Variants in CCDC50 observed in about 807,000 individuals in gnomAD.
The protein encoded by CCDC50 is coiled-coil domain containing 50, also known as coiled-coil domain-containing protein 50.
In CCDC50, 54 loss-of-function variants were observed where a neutral mutation model predicts 70.2. That is an observed-to-expected ratio of 0.77 (90% confidence interval 0.62 to 0.96). The LOEUF is 0.96. Among genes scored for constraint, CCDC50 ranks in the 50% least tolerant of loss-of-function variants. The pLI is 0.00. For synonymous variants in CCDC50, 216 were observed against 198.8 expected (o/e 1.09, Z -0.73); for missense variants, 558 against 578.7 (o/e 0.96, Z 0.37).
chr3:191,344,121 C>T (rs1711826627), intron 1 of CCDC50, among the ~76,000 whole-genome samples: 1 of 152,170 alleles, frequency 6.6e-6, no homozygotes, highest in Non-Finnish European at 1.5e-5. Context: ...AATGGCAAAG[C>T]GAATTATGCA....
At position 191,394,251 on chromosome 3, in the gene CCDC50, GCAAA is replaced by G. The variant is rs1713791318; in HGVS notation, c.*2494_*2497del. The G allele has an allele frequency of 6.6e-6, 1 of 152,090 alleles. No individual in the cohort carries two copies. The highest frequency in any genetic ancestry group is 1.9e-4 in the East Asian group (1 of 5,186). The allele number at this position is 152,090 out of a possible 1,614,324, so 9.4% of individuals were successfully genotyped here. On this transcript the variant is annotated 3_prime_UTR_variant, in exon 12 of 12. Transcript: ENST00000392455. Reference sequence around the variant, plus strand: ...TATGTTTATTTTATTTTTGTGTAAAGCAAACACTTTTAAAATAATATCAGAGTAA... The same window carrying G: ...TATGTTTATTTTATTTTTGTGTAAAGCACTTTTAAAATAATATCAGAGTAA...
intron 1 of CCDC50, among the ~76,000 whole-genome samples, chr3:191,334,484 A>G (rs1718080226): frequency 6.6e-6 from 1 of 152,142 alleles, no homozygotes; most frequent in African/African-American, 2.4e-5. Context: ...AGAAAGCACT[A>G]AAAACCACTG....
intron 1 of CCDC50, among the ~76,000 whole-genome samples, chr3:191,339,866 G>T (rs545830392): frequency 1.4e-4 from 21 of 152,174 alleles, no homozygotes; most frequent in Non-Finnish European, 2.5e-4. Flanking sequence ...AGGTTAAAAT[G>T]TACTTGTGGT....
chr3:191,344,322 C>T (rs903987938), intron 1 of CCDC50, among the ~76,000 whole-genome samples: 4 of 152,198 alleles, frequency 2.6e-5, no homozygotes, highest in Non-Finnish European at 2.9e-5. Flanking sequence ...ATGATGCAAA[C>T]GTTCTGTATT....
rs1206194058 is a variant in CCDC50 at position 191,395,119 on chromosome 3, CA to C, written c.*3363del. ...CACTTGGATCTAGGTCAACATATTC[CA>C]AAATGTGTGACCTTGGGCTTTGTGT... is the stretch of plus-strand genomic sequence containing the variant. On this transcript the variant is annotated 3_prime_UTR_variant, in exon 12 of 12. Coordinates refer to ENST00000392455, the MANE Select transcript of CCDC50 (RefSeq NM_178335.3). The C allele has an allele frequency of 6.6e-6, 1 of 150,876 alleles. No homozygotes were observed. The highest frequency in any genetic ancestry group is 2.4e-5 in the African/African-American group (1 of 40,862). 9.3% of individuals were successfully genotyped at this position (150,876 alleles called of 1,614,324 possible). A position where few individuals can be genotyped will look rare whatever the true frequency, so the allele number is the denominator to read the frequency against.
chr3:191,388,874 C>A (rs1713587806), intron 10 of CCDC50, among the ~76,000 whole-genome samples: 2 of 150,224 alleles, frequency 1.3e-5, no homozygotes, highest in Non-Finnish European at 1.5e-5. Context: ...TTGCATAAAT[C>A]TATGTTAAGT....
intron 4 of CCDC50, among the ~76,000 whole-genome samples, chr3:191,368,245 C>CA (rs774973969): frequency 1.4e-4 from 21 of 151,972 alleles, no homozygotes; most frequent in Middle Eastern, 3.4e-3. Context: ...CTTAGAAACT[C>CA]AGAGTTCTAT....
chr3:191,394,253 A>T lies in CCDC50; in HGVS notation c.*2493A>T, dbSNP rs1366057967. On this transcript the variant is annotated 3_prime_UTR_variant, in exon 12 of 12. Transcript: ENST00000392455. ...TGTTTATTTTATTTTTGTGTAAAGC[A>T]AACACTTTTAAAATAATATCAGAGT... 1.3e-5 allele frequency: 2 copies of T among 152,268 alleles called. No homozygotes were observed. The highest frequency in any genetic ancestry group is 3.9e-4 in the East Asian group (2 of 5,182). 9.4% of individuals were successfully genotyped at this position (152,268 alleles called of 1,614,324 possible).
chr3:191,364,891 T>G (rs531260540), intron 4 of CCDC50, among the ~76,000 whole-genome samples: 20 of 152,322 alleles, frequency 1.3e-4, no homozygotes, highest in African/African-American at 4.1e-4. Context: ...TCTGTTTATT[T>G]TTAACTCTTT....
chr3:191,393,837 C>T lies in CCDC50; in HGVS notation c.*2077C>T, dbSNP rs1033798361. 2 of 151,982 alleles carry T rather than the reference C, an allele frequency of 1.3e-5. No individual in the cohort carries two copies. Among genetic ancestry groups the T allele is most frequent in the African/African-American group, 4.8e-5 (2 of 41,402 alleles). The allele number at this position is 151,982 out of a possible 1,614,324, so 9.4% of individuals were successfully genotyped here. A position where few individuals can be genotyped will look rare whatever the true frequency, so the allele number is the denominator to read the frequency against. On this transcript the variant is annotated 3_prime_UTR_variant, in exon 12 of 12. Transcript: ENST00000392455. ...CTTTATCTGCCCTGTGATTTCGCTT[C>T]GTGTCCTTCAAAGTTTTTTTATTGT...
chr3:191,357,078 T>A lies in CCDC50; in HGVS notation c.50-10T>A. The A allele has an allele frequency of 6.3e-7, 1 of 1,593,966 alleles. No homozygotes were observed. On this transcript the variant is annotated splice_polypyrimidine_tract_variant and intron_variant, in intron 1 of 11. Coordinates refer to ENST00000392455, the MANE Select transcript of CCDC50 (RefSeq NM_178335.3). The stretch of plus-strand genomic sequence containing the variant: ...AGCCTTCCTGTCTGTTTTTCCTCCA[T>A]CTACTCTAGTATGCCGAGATTTTGC...
At chr3:191,365,285 A>G (rs1334820221) in intron 4 of CCDC50, among the ~76,000 whole-genome samples, 1 of 151,952 alleles carries the variant, frequency 6.6e-6, no homozygotes, top group Non-Finnish European at 1.5e-5. Context: ...ATTCACATTG[A>G]AAAAATGAAT....
intron 1 of CCDC50, among the ~76,000 whole-genome samples, chr3:191,346,776 C>A (rs1028651559): frequency 5.9e-5 from 9 of 152,152 alleles, no homozygotes; most frequent in South Asian, 2.1e-4. Flanking sequence ...AAGGGAGTTT[C>A]CGGTGGCTGA....
At chr3:191,355,080 T>A (rs1381738515) in intron 1 of CCDC50, among the ~76,000 whole-genome samples, 1 of 152,204 alleles carries the variant, frequency 6.6e-6, no homozygotes, top group Non-Finnish European at 1.5e-5. Flanking sequence ...CTATTGACTT[T>A]TAAAATGCCT....
intron 1 of CCDC50, among the ~76,000 whole-genome samples, chr3:191,337,020 T>TA (rs1180626648): frequency 6.6e-6 from 1 of 152,256 alleles, no homozygotes; most frequent in East Asian, 1.9e-4. Context: ...TCAGTGTCTG[T>TA]AAGTAAAGTT....
chr3:191,331,769 A>G (rs1388134570), intron 1 of CCDC50, among the ~76,000 whole-genome samples: 2 of 152,214 alleles, frequency 1.3e-5, no homozygotes, highest in African/African-American at 4.8e-5. Flanking sequence ...ACTCTTAATT[A>G]TGGCCCAGTT....
At chr3:191,383,907 A>G (rs1411091805) in intron 10 of CCDC50, among the ~76,000 whole-genome samples, 2 of 152,148 alleles carry the variant, frequency 1.3e-5, no homozygotes, top group Non-Finnish European at 2.9e-5. Flanking sequence ...AGCAGCAGCT[A>G]ATCTGTTCTT....
chr3:191,349,092 G>A (rs1360664486), intron 1 of CCDC50, among the ~76,000 whole-genome samples: 2 of 141,278 alleles, frequency 1.4e-5, no homozygotes, highest in African/African-American at 5.1e-5. Context: ...TGATGGGGGT[G>A]GAGGAGGGGG....
At chr3:191,351,828 G>C (rs1388493383) in intron 1 of CCDC50, among the ~76,000 whole-genome samples, 1 of 140,872 alleles carries the variant, frequency 7.1e-6, no homozygotes, top group East Asian at 1.9e-4. Context: ...CCCATCTCTT[G>C]CTGTAATTCT....
Sources: gnomAD v4.1 joint callset for allele counts (sites outside exome capture counted in the v4.1 genomes callset) on GRCh38, gnomAD v4.1.1 for gene constraint, MANE v1.5 for transcripts, NCBI Gene and HGNC (gene_info 2026-07-23, HGNC 2026-07-21) for gene names.